The following SH3RF3 variants were observed in gnomAD, a reference collection of about 807,000 sequenced individuals.
SH3RF3 encodes the protein E3 ubiquitin-protein ligase SH3RF3.
In SH3RF3, 29 loss-of-function variants were observed where a neutral mutation model predicts 66.3. That is an observed-to-expected ratio of 0.44 (90% CI 0.33 to 0.60). The LOEUF (loss-of-function observed/expected upper bound fraction) is 0.60, where lower values mean the gene tolerates loss of function less well. Among genes scored for constraint, SH3RF3 ranks in the 20% least tolerant of loss-of-function variants. SH3RF3 has a pLI of 0.04. For missense variants in SH3RF3, 1,194 were observed against 1,190.9 expected (o/e 1.00, Z -0.04); for synonymous variants, 583 against 532.0 (o/e 1.10, Z -1.32).
At chr2:109,468,674 T>G (rs1477766887) in intron 8 of SH3RF3, among the ~76,000 whole-genome samples, 2 of 151,620 alleles carry the variant, frequency 1.3e-5, no homozygotes, top group Non-Finnish European at 2.9e-5. Flanking sequence ...GCCAACATGG[T>G]GAAACCCTGT....
intron 1 of SH3RF3, among the ~76,000 whole-genome samples, chr2:109,270,667 T>C (rs759047399): frequency 6.9e-4 from 105 of 152,194 alleles, no homozygotes; most frequent in Non-Finnish European, 1.2e-3. Context: ...ATAGGTGTCT[T>C]GGCCCCGTAT....
At chr2:109,201,819 G>C (rs1678682404) in intron 1 of SH3RF3, among the ~76,000 whole-genome samples, 1 of 152,200 alleles carries the variant, frequency 6.6e-6, no homozygotes, top group African/African-American at 2.4e-5. Context: ...GATCTCTTGG[G>C]TTATTTAAAT....
chr2:109,159,756 G>T (rs547488462), intron 1 of SH3RF3, among the ~76,000 whole-genome samples: 1 of 152,266 alleles, frequency 6.6e-6, no homozygotes, highest in African/African-American at 2.4e-5. Context: ...GATTCTCACA[G>T]GAGCACAAAC....
chr2:109,396,127 T>C (rs988737662), intron 3 of SH3RF3, among the ~76,000 whole-genome samples: 9 of 152,188 alleles, frequency 5.9e-5, no homozygotes, highest in African/African-American at 2.2e-4. Context: ...TGTCTTCCTC[T>C]ATACCCTGTC....
At chr2:109,443,660 A>G (rs529399598) in intron 7 of SH3RF3, among the ~76,000 whole-genome samples, 9 of 152,334 alleles carry the variant, frequency 5.9e-5, no homozygotes, top group Middle Eastern at 3.4e-3. Flanking sequence ...TAAAAAGGCA[A>G]TTTCGTAACA....
chr2:109,130,050 C>A lies in SH3RF3; in HGVS notation c.510C>A (p.Ala170=). 1 of 1,362,770 alleles carries A rather than the reference C, an allele frequency of 7.3e-7. No homozygotes were observed. The highest frequency in any genetic ancestry group is 1.7e-5 in the South Asian group (1 of 57,144). The allele number at this position is 1,362,770 out of a possible 1,614,324, so 84.4% of individuals were successfully genotyped here. A position where few individuals can be genotyped will look rare whatever the true frequency, so the allele number is the denominator to read the frequency against. ...GTTCCCCGGTTTTCCTCTCCGCGGC[C>A]GCGGGCAGCACCGCCGGCAGTCTGC... ...TPGSPVFLSA[A]AGSTAGSLRE... is the part of the protein sequence containing the mutation. The change falls in exon 1 of 10, where the codon GCC becomes GCA. Residue 170 remains alanine (A), a synonymous_variant. Transcript: ENST00000309415.
chr2:109,414,720 A>G (rs2104501140), intron 4 of SH3RF3, among the ~76,000 whole-genome samples: 1 of 152,268 alleles, frequency 6.6e-6, no homozygotes, highest in East Asian at 1.9e-4. Flanking sequence ...CAGGCACACC[A>G]AACACTGCGT....
intron 1 of SH3RF3, among the ~76,000 whole-genome samples, chr2:109,282,261 G>A (rs1192637692): frequency 2.0e-5 from 3 of 152,120 alleles, no homozygotes; most frequent in Non-Finnish European, 4.4e-5. Context: ...TATTGGCTTT[G>A]AGAAATGAGT....
intron 1 of SH3RF3, among the ~76,000 whole-genome samples, chr2:109,327,632 G>C (rs1393179631): frequency 6.6e-6 from 1 of 152,036 alleles, no homozygotes; most frequent in Non-Finnish European, 1.5e-5. Flanking sequence ...AATTTATTTA[G>C]GCCATCTTTA....
chr2:109,151,915 A>T (rs1677232990), intron 1 of SH3RF3, among the ~76,000 whole-genome samples: 1 of 152,278 alleles, frequency 6.6e-6, no homozygotes, highest in Non-Finnish European at 1.5e-5. Context: ...TTTGGTTTGA[A>T]GTTAATATAA....
chr2:109,184,332 A>G (rs1678136854), intron 1 of SH3RF3, among the ~76,000 whole-genome samples: 1 of 152,232 alleles, frequency 6.6e-6, no homozygotes, highest in South Asian at 2.1e-4. Context: ...CATAAAAATA[A>G]GACGTTTATC....
intron 1 of SH3RF3, among the ~76,000 whole-genome samples, chr2:109,343,581 C>CA (rs1340177249): frequency 2.0e-5 from 3 of 152,198 alleles, no homozygotes; most frequent in Non-Finnish European, 4.4e-5. Context: ...CCTGAGCCCC[C>CA]ATGCTCTCAC....
At chr2:109,256,236 C>T (rs549991597) in intron 1 of SH3RF3, among the ~76,000 whole-genome samples, 7 of 152,304 alleles carry the variant, frequency 4.6e-5, no homozygotes, top group African/African-American at 1.4e-4. Context: ...GTTGGAGAGC[C>T]TGCCATGGAC....
chr2:109,369,397 G>A (rs1436609741), intron 2 of SH3RF3, among the ~76,000 whole-genome samples: 1 of 152,206 alleles, frequency 6.6e-6, no homozygotes, highest in East Asian at 1.9e-4. Context: ...AACGCTGAGC[G>A]TTGCTGGAGG....
At chr2:109,376,306 G>A (rs1250116788) in intron 3 of SH3RF3, among the ~76,000 whole-genome samples, 1 of 152,212 alleles carries the variant, frequency 6.6e-6, no homozygotes, top group African/African-American at 2.4e-5. Context: ...GGGTGTGGAC[G>A]CTTAGGAGAG....
At chr2:109,217,326 T>C (rs17035169) in intron 1 of SH3RF3, among the ~76,000 whole-genome samples, 7,985 of 152,294 alleles carry the variant, frequency 0.052, 638 homozygotes, top group African/African-American at 0.17. Flanking sequence ...TTGTTCTCTT[T>C]GTAGATACGT....
At chr2:109,474,963 G>T (rs544332335) in intron 8 of SH3RF3, among the ~76,000 whole-genome samples, 56 of 151,340 alleles carry the variant, frequency 3.7e-4, no homozygotes, top group Middle Eastern at 6.8e-3. Context: ...GTTTTGTTTG[G>T]GTTTTTTTTG....
chr2:109,354,367 A>G (rs969260260), intron 2 of SH3RF3, among the ~76,000 whole-genome samples: 1 of 152,156 alleles, frequency 6.6e-6, no homozygotes. Flanking sequence ...GCTTCTAGGA[A>G]ACCACTCGAC....
At chr2:109,292,211 G>A (rs1681200208) in intron 1 of SH3RF3, among the ~76,000 whole-genome samples, 1 of 152,188 alleles carries the variant, frequency 6.6e-6, no homozygotes, top group South Asian at 2.1e-4. Context: ...CATCATTTAT[G>A]TTCTCTACAG....
Sources: allele counts gnomAD v4.1 joint callset (sites outside exome capture counted in the v4.1 genomes callset), GRCh38; gene constraint gnomAD v4.1.1; transcripts MANE v1.5; gene names NCBI Gene and HGNC (gene_info 2026-07-23, HGNC 2026-07-21).